SLC9A9: variants seen among roughly 807,000 people sequenced by gnomAD.
SLC9A9 encodes solute carrier family 9 member A9.
Under a neutral mutation model 77.8 loss-of-function variants are expected in SLC9A9, and 62 were observed. The ratio of observed to expected loss-of-function variants is 0.80; its 90% CI spans 0.65 to 0.98. SLC9A9 has a LOEUF of 0.98. Among genes scored for constraint, SLC9A9 ranks in the 50% least tolerant of loss-of-function variants. The pLI is 0.00. For missense variants in SLC9A9, 775 were observed against 774.9 expected, an observed-to-expected ratio of 1.00 and a Z score of 0.00; for synonymous variants, 320 against 283.5, an observed-to-expected ratio of 1.13 and a Z score of -1.29.
intron 6 of SLC9A9, among the ~76,000 whole-genome samples, chr3:143,583,517 T>C (rs910691964): frequency 6.6e-5 from 10 of 152,246 alleles, no homozygotes; most frequent in African/African-American, 2.4e-4. Context: ...GTTAAGAGCA[T>C]AGAATCTGAA....
In SLC9A9 at chr3:143,449,842, TATATATATATAATTATATATATAAAATA is replaced by T. The variant is rs2034955148; in HGVS notation, c.1469+17167_1469+17194del. On this transcript the variant is annotated intron_variant, in intron 12 of 15. Coordinates refer to ENST00000316549, the MANE Select transcript of SLC9A9 (RefSeq NM_173653.4). ...TATTTACATATATAATTATATGTAT[TATATATATATAATTATATATATAAAATA>T]TATAATTATATAAATATATAATTAT... is the stretch of plus-strand genomic sequence containing the variant. Among the ~76,000 whole-genome samples, 4 of 34,662 alleles carry T rather than the reference TATATATATATAATTATATATATAAAATA, an allele frequency of 1.2e-4. 1 individual carries two copies. In the African/African-American group the frequency reaches 1.2e-3, roughly 10 times the overall value. 22.7% of individuals were successfully genotyped at this position (34,662 alleles called of 152,430 possible). A position where few individuals can be genotyped will look rare whatever the true frequency, so the allele number is the denominator to read the frequency against.
intron 9 of SLC9A9, chr3:143,503,820 A>G: frequency 2.9e-6 from 1 of 339,392 alleles, no homozygotes; most frequent in Non-Finnish European, 5.8e-6. Context: ...TTGGTGACAC[A>G]GGAAGCTTTG....
chr3:143,468,511 G>A (rs775864108), intron 11 of SLC9A9, among the ~76,000 whole-genome samples: 4 of 152,200 alleles, frequency 2.6e-5, no homozygotes, highest in Non-Finnish European at 4.4e-5. Context: ...ATTGGGTAGA[G>A]TGATTCTGCC....
intron 5 of SLC9A9, among the ~76,000 whole-genome samples, chr3:143,674,949 T>C (rs2039214663): frequency 6.6e-6 from 1 of 152,192 alleles, no homozygotes; most frequent in South Asian, 2.1e-4. Context: ...GGCTGTGGAC[T>C]AGTGCTACTA....
At chr3:143,287,405 A>G (rs1938413537) in intron 14 of SLC9A9, among the ~76,000 whole-genome samples, 1 of 152,130 alleles carries the variant, frequency 6.6e-6, no homozygotes, top group Non-Finnish European at 1.5e-5. Flanking sequence ...GGAAAAAAAA[A>G]CAACAACCAA....
rs368253640 is a variant in SLC9A9, at chr3:143,447,409, T to A, written c.1469+19628A>T. On this transcript the variant is annotated intron_variant, in intron 12 of 15. Coordinates refer to ENST00000316549, the MANE Select transcript of SLC9A9 (RefSeq NM_173653.4). Reference sequence around the variant, plus strand: ...ACAAAATACATTTACTCCTATAGTCTTGTGTTTCTTTTGTTGCCAGTAGAA... The same window carrying A: ...ACAAAATACATTTACTCCTATAGTCATGTGTTTCTTTTGTTGCCAGTAGAA... Among the ~76,000 whole-genome samples the A allele has an allele frequency of 2.7e-4, 41 of 152,334 alleles. No homozygotes were observed. The South Asian group carries it at 7.5e-3, about 28-fold the overall frequency.
intron 12 of SLC9A9, among the ~76,000 whole-genome samples, chr3:143,458,936 G>A (rs747578027): frequency 6.6e-5 from 10 of 151,932 alleles, no homozygotes; most frequent in Non-Finnish European, 1.2e-4. Flanking sequence ...CAGATCTGCT[G>A]GTGAAAAATG....
In SLC9A9 at chr3:143,814,695, A is replaced by T. The variant is rs541292714; in HGVS notation, c.378+17324T>A. On this transcript the variant is annotated intron_variant, in intron 2 of 15. Coordinates refer to ENST00000316549, the MANE Select transcript of SLC9A9 (RefSeq NM_173653.4). ...TCTGAAATTCAATAAACAGAAAGAGATGTAAGAAGGCAAACCCCAAAAGTG... is the reference window on the plus strand; with the variant it reads ...TCTGAAATTCAATAAACAGAAAGAGTTGTAAGAAGGCAAACCCCAAAAGTG... 2.6e-5 allele frequency among the ~76,000 whole-genome samples: 4 copies of T among 152,290 alleles called. No individual in the cohort carries two copies. The East Asian group carries it at 5.8e-4, about 22-fold the overall frequency.
chr3:143,301,508 C>T (rs2030512200), intron 14 of SLC9A9, among the ~76,000 whole-genome samples: 1 of 152,166 alleles, frequency 6.6e-6, no homozygotes, highest in African/African-American at 2.4e-5. Context: ...GGAGGTCATG[C>T]AGACAAAAAG....
intron 2 of SLC9A9, among the ~76,000 whole-genome samples, chr3:143,802,881 C>T (rs969929597): frequency 3.3e-5 from 5 of 152,102 alleles, no homozygotes; most frequent in Non-Finnish European, 2.9e-5. Context: ...TTTATACGGA[C>T]GCACTTTCTT....
chr3:143,710,029 AT>A (rs2108795570), intron 4 of SLC9A9, among the ~76,000 whole-genome samples: 1 of 152,346 alleles, frequency 6.6e-6, no homozygotes, highest in East Asian at 1.9e-4. Context: ...CAAGTTTCAT[AT>A]CAAATATTTT....
chr3:143,302,205 G>C (rs974000246), intron 14 of SLC9A9, among the ~76,000 whole-genome samples: 1 of 152,206 alleles, frequency 6.6e-6, no homozygotes, highest in African/African-American at 2.4e-5. Context: ...GCTATGGTGG[G>C]TGGGGGATGC....
chr3:143,336,997 C>T (rs1456021558), intron 14 of SLC9A9, among the ~76,000 whole-genome samples: 2 of 151,964 alleles, frequency 1.3e-5, no homozygotes, highest in Admixed American at 1.3e-4. Flanking sequence ...ATGGCAGGGA[C>T]CATGGTTTGC....
At chr3:143,434,762 G>C (rs546274101) in intron 12 of SLC9A9, among the ~76,000 whole-genome samples, 14 of 152,186 alleles carry the variant, frequency 9.2e-5, no homozygotes, top group African/African-American at 3.1e-4. Context: ...GTTTGATTCA[G>C]GTATAGCTCC....
chr3:143,552,536 A>G, intron 8 of SLC9A9, 86 bp from the exon 9 acceptor site: 1 of 1,113,870 alleles, frequency 9.0e-7, no homozygotes, highest in Non-Finnish European at 1.3e-6. Context: ...TGGAAAATAG[A>G]CTTGGTGTCA....
chr3:143,795,158 G>T, intron 3 of SLC9A9, 81 bp from the exon 4 acceptor site: 1 of 1,307,700 alleles, frequency 7.6e-7, no homozygotes. Flanking sequence ...AATGTATGCA[G>T]TTCACAGACC....
At chr3:143,661,853 T>A (rs1230683677) in intron 5 of SLC9A9, among the ~76,000 whole-genome samples, 1 of 152,096 alleles carries the variant, frequency 6.6e-6, no homozygotes, top group East Asian at 1.9e-4. Flanking sequence ...GACTCCCATA[T>A]CCAACCATTG....
chr3:143,493,623 C>T, intron 11 of SLC9A9, 30 bp downstream of exon 11: 1 of 1,573,402 alleles, frequency 6.4e-7, no homozygotes, highest in Non-Finnish European at 8.7e-7. Context: ...AGAAAACCAG[C>T]AGCACTAACA....
intron 12 of SLC9A9, among the ~76,000 whole-genome samples, chr3:143,405,759 G>A (rs544219630): frequency 6.6e-6 from 1 of 152,288 alleles, no homozygotes; most frequent in South Asian, 2.1e-4. Context: ...TGTATTCTTG[G>A]TTGTATTCAT....
Sources: allele counts gnomAD v4.1 joint callset (sites outside exome capture counted in the v4.1 genomes callset), GRCh38; gene constraint gnomAD v4.1.1; transcripts MANE v1.5; gene names NCBI Gene and HGNC (gene_info 2026-07-23, HGNC 2026-07-21).